TTN: variants seen among roughly 807,000 people sequenced by gnomAD.
The protein encoded by TTN is connectin.
Under a neutral mutation model 3,223.0 loss-of-function variants are expected in TTN, and 1,525 were observed. The observed-to-expected ratio is 0.47, with a 90% confidence interval of 0.45 to 0.49. TTN has a LOEUF of 0.49. TTN is among the 20% of genes least tolerant of loss of function. The pLI is 0.00. For missense variants in TTN, 40,786 were observed against 43,424.0 expected, an observed-to-expected ratio of 0.94 and a Z score of 5.40; for synonymous variants, 14,094 against 15,161.0, an observed-to-expected ratio of 0.93 and a Z score of 5.17.
rs557805163 is a variant in TTN at position 178,557,723 on chromosome 2, G to A, written c.87631C>T (p.Arg29211Cys). 15 of 1,613,772 alleles carry A rather than the reference G, an allele frequency of 9.3e-6. No individual in the cohort carries two copies. The highest frequency in any genetic ancestry group is 2.7e-5 in the African/African-American group (2 of 74,922). Residue 29211 changes from arginine to cysteine, a missense_variant, in exon 328 of 363, where the codon CGC becomes TGC. Arg to Cys is a radical substitution (Grantham distance 180, BLOSUM62 -3). Transcript: ENST00000589042. ...CCAAAGCGGTTTTCTGCCTTGATGC[G>A]GAATTGGTATTCTTCTCCTGTGGTC... ...KLTTGEEYQFRIKAENRFGIS... is the reference protein window; with the variant it reads ...KLTTGEEYQFCIKAENRFGIS...
Position 178,712,356 on chromosome 2 carries a change from G to C in TTN, c.27566C>G (p.Ala9189Gly). ...TGCTGAACAGGAATCTTTTCCAGAGGCATTTTCAATGTAGCAGTTGTATTG... is the reference window on the plus strand; with the variant it reads ...TGCTGAACAGGAATCTTTTCCAGAGCCATTTTCAATGTAGCAGTTGTATTG... ...AGQYNCYIEN[A>G]SGKDSCSAQI... is the part of the protein sequence containing the mutation. The change falls in exon 95 of 363, where the codon GCC becomes GGC. Residue 9189 changes from alanine to glycine, a missense_variant. By Grantham distance (60) the Ala-to-Gly change is moderately conservative. Coordinates refer to ENST00000589042, the MANE Select transcript of TTN (RefSeq NM_001267550.2). 6.2e-7 allele frequency: 1 copy of C among 1,613,738 alleles called. No individual in the cohort carries two copies. Among genetic ancestry groups the C allele is most frequent in the Non-Finnish European group, 8.5e-7 (1 of 1,179,780 alleles).
chr2:178,530,515 G>A lies in TTN; in HGVS notation c.106100C>T (p.Thr35367Met), dbSNP rs377056111. 1.1e-4 allele frequency: 179 copies of A among 1,613,804 alleles called. No homozygotes were observed. The highest frequency in any genetic ancestry group is 1.2e-4 in the Non-Finnish European group (147 of 1,179,888). ...YVCEISGEGG[T>M]SKTNLQFMGQ... ...CATAAATTGTAAGTTGGTTTTAGAC[G>A]TTCCACCTTCACCAGAAATCTCACA... Residue 35367 changes from threonine to methionine, a missense_variant, in exon 358 of 363, where the codon ACG becomes ATG. Transcript: ENST00000589042.
At chr2:178,644,262 T>G in intron 218 of TTN, 1 of 273,184 alleles carries the variant, frequency 3.7e-6, no homozygotes, top group Non-Finnish European at 6.8e-6. Flanking sequence ...GATATCAATT[T>G]TGGCTAACCA....
At chr2:178,781,615 G>A (rs2092766456) in intron 20 of TTN, among the ~76,000 whole-genome samples, 1 of 152,096 alleles carries the variant, frequency 6.6e-6, no homozygotes, top group Non-Finnish European at 1.5e-5. Flanking sequence ...GAGATCAAAT[G>A]AATAATTAAA....
In TTN at chr2:178,731,837, C is replaced by T. The variant is rs769986653; in HGVS notation, c.17038G>A (p.Gly5680Ser). 5 of 1,613,796 alleles carry T rather than the reference C, an allele frequency of 3.1e-6. No homozygotes were observed. The highest frequency in any genetic ancestry group is 4.2e-6 in the Non-Finnish European group (5 of 1,179,758). The change falls in exon 58 of 363, where the codon GGT (glycine) becomes AGT (serine). Residue 5680 changes from glycine to serine, a missense_variant. Transcript: ENST00000589042. ...WFKDNTILRS[G>S]RKYKTFIQDH... ...TGAATGAAAGTCTTATACTTTCTACCACTTCGCAGGATTGTGTTATCTTTG... is the reference window on the plus strand; with the variant it reads ...TGAATGAAAGTCTTATACTTTCTACTACTTCGCAGGATTGTGTTATCTTTG...
At chr2:178,753,025 CA>C (rs1574320497) in intron 47 of TTN, 98 bp downstream of exon 47, 3 of 937,548 alleles carry the variant, frequency 3.2e-6, no homozygotes, top group Non-Finnish European at 3.3e-6. Context: ...ATATCTATGT[CA>C]TTTTTTTCTC....
In TTN at chr2:178,769,769, G is replaced by A. The variant is rs755055056; in HGVS notation, c.8812C>T (p.Leu2938=). 2 of 1,613,874 alleles carry A rather than the reference G, an allele frequency of 1.2e-6. No individual in the cohort carries two copies. The highest frequency in any genetic ancestry group is 4.5e-5 in the East Asian group (2 of 44,894). The part of the protein sequence containing the change: ...KIVVQGKLHQ[L]IIMNTSTEDS... ...TCTGTGCTGGTGTTCATGATGATCA[G>A]CTGATGGAGTTTTCCCTGCACAACT... Residue 2938 remains leucine (L), a synonymous_variant, in exon 37 of 363, where the codon CTG becomes TTG. Transcript: ENST00000589042.
At chr2:178,624,868 C>T (rs2058794732) in intron 241 of TTN, 137 bp from the exon 242 acceptor site, 1 of 938,982 alleles carries the variant, frequency 1.1e-6, no homozygotes, top group Non-Finnish European at 1.6e-6. Context: ...TACACTCAGA[C>T]ATTTTCCTCT....
At chr2:178,792,257 G>A in intron 9 of TTN, 60 bp from the exon 10 acceptor site, 1 of 1,518,830 alleles carries the variant, frequency 6.6e-7, no homozygotes, top group Non-Finnish European at 8.9e-7. Context: ...ATAATATGGT[G>A]TTTATTAAAT....
In TTN at chr2:178,560,160, G is replaced by A. The variant is rs772534573; in HGVS notation, c.85972C>T (p.Pro28658Ser). ...GTCTTGCCTGAGTCCACAATTTTGG[G>A]TTTGGATGGAGGAGATGGTAGGAAC... is the stretch of plus-strand genomic sequence containing the variant. ...PVFLPSPPSK[P>S]KIVDSGKTTI... The change falls in exon 326 of 363, where the codon CCC becomes TCC. Residue 28658 changes from proline to serine, a missense_variant. Pro to Ser is a moderately conservative substitution (Grantham distance 74). Transcript: ENST00000589042. 5.6e-6 allele frequency: 9 copies of A among 1,613,674 alleles called. No homozygotes were observed. Among genetic ancestry groups the A allele is most frequent in the Middle Eastern group, 3.3e-4 (2 of 6,054 alleles).
At chr2:178,646,135 T>TATAG (rs1315856186) in intron 216 of TTN, 105 bp from the exon 217 acceptor site, 1 of 153,794 alleles carries the variant, frequency 6.5e-6, no homozygotes, top group Non-Finnish European at 1.3e-5. Context: ...TATATATATA[T>TATAG]ATATATATAT....
At position 178,569,988 on chromosome 2, in the gene TTN, C is replaced by A. The variant is rs1167088174; in HGVS notation, c.76144G>T (p.Glu25382Ter). The change falls in exon 326 of 363, where the codon GAG becomes TAG. Residue 25382 changes from glutamate to a stop codon, truncating the protein, a stop_gained. Transcript: ENST00000589042. LOFTEE classifies it high-confidence loss of function. ...GGTTCACTAAGTCCAGCAGCATTCT[C>A]AGCAGAAACTCTGAACTCATAATCG... is the stretch of plus-strand genomic sequence containing the variant. ...NHDYEFRVSA[E>*]NAAGLSEPSP... is the part of the protein sequence containing the mutation. 1 of 1,612,342 alleles carries A rather than the reference C, an allele frequency of 6.2e-7. No homozygotes were observed.
At position 178,566,277 on chromosome 2, in the gene TTN, G is replaced by A. The variant is rs757229467; in HGVS notation, c.79855C>T (p.Arg26619Cys). ...GACCAAGTGATCTCAGGCGTTGGAC[G>A]ACCTTTGAATGGAATGTGAATTCTG... ...SARIHIPFKGRPTPEITWSRE... is the reference protein window; with the variant it reads ...SARIHIPFKGCPTPEITWSRE... Residue 26619 changes from arginine to cysteine, a missense_variant, in exon 326 of 363, where the codon CGT becomes TGT. Transcript: ENST00000589042. 20 of 1,613,456 alleles carry A rather than the reference G, an allele frequency of 1.2e-5. No homozygotes were observed. Among genetic ancestry groups the A allele is most frequent in the Admixed American group, 5.0e-5 (3 of 59,950 alleles).
Position 178,593,475 on chromosome 2 carries a change from CCT to C in TTN, c.58733-2_58733-1del. 1 of 1,604,594 alleles carries C rather than the reference CCT, an allele frequency of 6.2e-7. No homozygotes were observed. The highest frequency in any genetic ancestry group is 8.5e-7 in the Non-Finnish European group (1 of 1,177,870). On this transcript the variant is annotated splice_acceptor_variant, in intron 298 of 362. Coordinates refer to ENST00000589042, the MANE Select transcript of TTN (RefSeq NM_001267550.2). LOFTEE classifies it high-confidence loss of function. ...TGGCTGATCAGGTGCATCAGGAACC[CCT>C]GTAACAAATGTTGGAAAATGCGTTA... is the stretch of plus-strand genomic sequence containing the variant.
rs1375579390 is a variant in TTN at position 178,602,402 on chromosome 2, A to G, written c.55000T>C (p.Cys18334Arg). The change falls in exon 283 of 363, where the codon TGT becomes CGT. Residue 18334 changes from cysteine (C) to arginine (R), a missense_variant. Coordinates refer to ENST00000589042, the MANE Select transcript of TTN (RefSeq NM_001267550.2). ...EPDKLITTCE[C>R]VVPNLKELRK... ...AGCTCTTTCAGATTAGGCACCACAC[A>G]TTCACAGGTAGTTATAAGTTTGTCT... 12 of 1,612,698 alleles carry G rather than the reference A, an allele frequency of 7.4e-6. No individual in the cohort carries two copies. The highest frequency in any genetic ancestry group is 6.8e-6 in the Non-Finnish European group (8 of 1,179,212).
At position 178,552,736 on chromosome 2, in the gene TTN, T is replaced by A. The variant is rs759806991; in HGVS notation, c.90164A>T (p.Asp30055Val). The A allele has an allele frequency of 4.3e-6, 7 of 1,613,962 alleles. No homozygotes were observed. In the East Asian group the frequency reaches 6.7e-5, roughly 15 times the overall value. ...TSVILSWTKP[D>V]FDGGSVITEY... ...TGTGATGACGCTACCACCATCAAAG[T>A]CAGGTTTGGTCCAGCTGAGGATGAC... The change falls in exon 335 of 363, where the codon GAC becomes GTC. Residue 30055 changes from aspartate to valine, a missense_variant. Physicochemically the swap from Asp to Val is radical, Grantham distance 152. Coordinates refer to ENST00000589042, the MANE Select transcript of TTN (RefSeq NM_001267550.2).
chr2:178,602,878 CT>C (rs546897633), intron 282 of TTN, among the ~76,000 whole-genome samples: 44 of 152,072 alleles, frequency 2.9e-4, no homozygotes, highest in African/African-American at 1.0e-3. Context: ...TAAAAAACTA[CT>C]TTACTTTTGA....
Position 178,733,900 on chromosome 2 carries a change from A to T in TTN, c.15497-8T>A. On this transcript the variant is annotated splice_region_variant and splice_polypyrimidine_tract_variant and intron_variant, in intron 52 of 362. Transcript: ENST00000589042. ...TTACAAAGGTTGGAGGTTCTAGTTA[A>T]GGAAAGAGAGCATATAAAACATATC... is the stretch of plus-strand genomic sequence containing the variant. The T allele has an allele frequency of 6.3e-7, 1 of 1,577,026 alleles. No individual in the cohort carries two copies. Among genetic ancestry groups the T allele is most frequent in the Admixed American group, 1.8e-5 (1 of 55,098 alleles).
rs756088419 is a variant in TTN, at chr2:178,583,756, G to C, written c.65426C>G (p.Thr21809Ser). 1.2e-6 allele frequency: 2 copies of C among 1,611,772 alleles called. No homozygotes were observed. The highest frequency in any genetic ancestry group is 2.2e-5 in the East Asian group (1 of 44,540). The change falls in exon 312 of 363, where the codon ACT becomes AGT. Residue 21809 changes from threonine (T) to serine (S), a missense_variant. Transcript: ENST00000589042. Reference protein sequence around the residue: ...LPGDKWVRCNTAPHQIPQEEY... With the variant: ...LPGDKWVRCNSAPHQIPQEEY... ...TTCCTGGGGAATCTGGTGAGGTGCA[G>C]TATTGCACCGTACCCATTTATCACC... is the stretch of plus-strand genomic sequence containing the variant.
Sources: gnomAD v4.1 joint callset for allele counts (sites outside exome capture counted in the v4.1 genomes callset) on GRCh38, gnomAD v4.1.1 for gene constraint, MANE v1.5 for transcripts, NCBI Gene and HGNC (gene_info 2026-07-23, HGNC 2026-07-21) for gene names.